MUCL1: variants seen among roughly 807,000 people sequenced by gnomAD.
MUCL1 encodes the protein mucin like 1.
Under a neutral mutation model 9.2 loss-of-function variants are expected in MUCL1, and 11 were observed. The observed-to-expected ratio is 1.19, with a 90% CI of 0.75 to 1.97. The LOEUF is 1.97. Among genes scored for constraint, MUCL1 ranks in the 30% most tolerant of loss-of-function variants. The probability of loss-of-function intolerance (pLI) is 0.00; values close to 1 mark genes in which losing one functional copy is unlikely to be tolerated. For synonymous variants in MUCL1, 48 were observed against 40.5 expected (o/e 1.19, Z -0.71); for missense variants, 144 against 110.9 (o/e 1.30, Z -1.34).
rs1437959341 is a variant in MUCL1, at chr12:54,858,386, C to T, written c.*144C>T. On this transcript the variant is annotated 3_prime_UTR_variant, in exon 4 of 4. Transcript: ENST00000308796. Reference sequence around the variant, plus strand: ...TCAAATAAAAAATAACTATGAGCAACATAAAAATGGTATTTCTTATGGGCT... The same window carrying T: ...TCAAATAAAAAATAACTATGAGCAATATAAAAATGGTATTTCTTATGGGCT... 9.4e-7 allele frequency: 1 copy of T among 1,060,826 alleles called. No individual in the cohort carries two copies. The highest frequency in any genetic ancestry group is 2.5e-5 in the East Asian group (1 of 40,284). 65.7% of individuals were successfully genotyped at this position (1,060,826 alleles called of 1,614,324 possible). A position where few individuals can be genotyped will look rare whatever the true frequency, so the allele number is the denominator to read the frequency against.
chr12:54,852,041 T>A (rs1387404386), upstream of MUCL1, among the ~76,000 whole-genome samples: 1 of 152,180 alleles, frequency 6.6e-6, no homozygotes, highest in Non-Finnish European at 1.5e-5. Context: ...TCCATGCTCA[T>A]GGGTTGGAAG....
At chr12:54,852,350 C>T (rs1469194496), upstream of MUCL1, among the ~76,000 whole-genome samples, 3 of 152,148 alleles carry the variant, frequency 2.0e-5, no homozygotes, top group Admixed American at 6.5e-5. Flanking sequence ...AGAAATAATG[C>T]CACACATCTA....
chr12:54,844,941 G>A (rs1220134994), intron 1 of MUCL1, among the ~76,000 whole-genome samples: 1 of 152,212 alleles, frequency 6.6e-6, no homozygotes, highest in Non-Finnish European at 1.5e-5. Flanking sequence ...TGTGGGTGAA[G>A]AAGCTGGGTA....
At chr12:54,858,103 A>G (rs1020325031) in intron 3 of MUCL1, 90 bp from the exon 4 acceptor site, 4 of 1,471,950 alleles carry the variant, frequency 2.7e-6, no homozygotes, top group Non-Finnish European at 3.8e-6. Flanking sequence ...TTGACATTTG[A>G]CACTTGTTAG....
chr12:54,847,017 TC>T (rs1282335229), intron 1 of MUCL1, among the ~76,000 whole-genome samples: 2 of 152,204 alleles, frequency 1.3e-5, no homozygotes, highest in Admixed American at 1.3e-4. Context: ...GGTTCTGCCT[TC>T]CAAGATGTCA....
chr12:54,838,669 G>C (rs554017915), upstream of MUCL1, among the ~76,000 whole-genome samples: 65 of 151,812 alleles, frequency 4.3e-4, no homozygotes, highest in African/African-American at 1.0e-3. Flanking sequence ...AATTCAAAAG[G>C]CTTGTCTTTG....
At chr12:54,847,399 T>C (rs186957006) in intron 1 of MUCL1, among the ~76,000 whole-genome samples, 193 of 152,300 alleles carry the variant, frequency 1.3e-3, no homozygotes, top group African/African-American at 4.5e-3. Flanking sequence ...GTGGATCGTC[T>C]GAGGTCAGGA....
chr12:54,844,749 A>G (rs1959234096), intron 1 of MUCL1, among the ~76,000 whole-genome samples: 1 of 152,168 alleles, frequency 6.6e-6, no homozygotes, highest in African/African-American at 2.4e-5. Flanking sequence ...TTCTCCACAT[A>G]TCTTTTACAT....
chr12:54,855,191 C>A (rs372546250), intron 2 of MUCL1, 34 bp downstream of exon 2: 21 of 1,601,772 alleles, frequency 1.3e-5, no homozygotes, highest in Non-Finnish European at 1.6e-5. Context: ...CTCTTTCCAG[C>A]AATAACCATT....
intron 1 of MUCL1, among the ~76,000 whole-genome samples, chr12:54,841,994 A>G (rs1959214729): frequency 6.6e-6 from 1 of 152,124 alleles, no homozygotes; most frequent in Non-Finnish European, 1.5e-5. Context: ...TTTCTTCAAG[A>G]TTATCTTGAC....
Position 54,854,536 on chromosome 12 carries a change from GC to G in MUCL1, c.-46del. 6.5e-7 allele frequency: 1 copy of G among 1,539,976 alleles called. No homozygotes were observed. The highest frequency in any genetic ancestry group is 1.4e-5 in the African/African-American group (1 of 73,088). ...AAGTCAGCGCCTTGCCTTCTCTTAG[GC>G]TTTGAAGCATTTTTGTCTGTGCTCC... On this transcript the variant is annotated 5_prime_UTR_variant, in exon 1 of 4. Coordinates refer to ENST00000308796, the MANE Select transcript of MUCL1 (RefSeq NM_058173.3).
chr12:54,858,301 T>C lies in MUCL1; in HGVS notation c.*59T>C. 6.3e-7 allele frequency: 1 copy of C among 1,598,144 alleles called. No individual in the cohort carries two copies. The highest frequency in any genetic ancestry group is 2.2e-5 in the East Asian group (1 of 44,772). The stretch of plus-strand genomic sequence containing the variant: ...ACAACTATTCATGCTTCCTGTGATT[T>C]CATCCAACTACTTACCTTGCCTACG... On this transcript the variant is annotated 3_prime_UTR_variant, in exon 4 of 4. Coordinates refer to ENST00000308796, the MANE Select transcript of MUCL1 (RefSeq NM_058173.3).
At chr12:54,857,799 A>C (rs1330890687) in intron 3 of MUCL1, among the ~76,000 whole-genome samples, 1 of 152,166 alleles carries the variant, frequency 6.6e-6, no homozygotes, top group Non-Finnish European at 1.5e-5. Context: ...TTTTCTTCAG[A>C]TATTGCTTTA....
chr12:54,846,834 T>A (rs78548210), intron 1 of MUCL1, among the ~76,000 whole-genome samples: 6 of 147,980 alleles, frequency 4.1e-5, no homozygotes, highest in Non-Finnish European at 7.5e-5. Context: ...GGGTAACTTG[T>A]ACTTTCAGCT....
rs1244203479 is a variant in MUCL1 at position 54,858,188 on chromosome 12, T to C, written c.224-5T>C. 1 of 1,613,444 alleles carries C rather than the reference T, an allele frequency of 6.2e-7. No individual in the cohort carries two copies. ...GCCCCTTGACAATATTTTTTTCTCTTGCAGTTTTACCCAAATGGGTTGGGG... is the reference window on the plus strand; with the variant it reads ...GCCCCTTGACAATATTTTTTTCTCTCGCAGTTTTACCCAAATGGGTTGGGG... On this transcript the variant is annotated splice_polypyrimidine_tract_variant and splice_region_variant and intron_variant, in intron 3 of 3. Coordinates refer to ENST00000308796, the MANE Select transcript of MUCL1 (RefSeq NM_058173.3).
upstream of MUCL1, among the ~76,000 whole-genome samples, chr12:54,837,315 C>A (rs888759360): frequency 6.6e-6 from 1 of 152,020 alleles, no homozygotes; most frequent in Non-Finnish European, 1.5e-5. Context: ...TGGATTGATC[C>A]TTTTCCCATT....
intron 1 of MUCL1, among the ~76,000 whole-genome samples, chr12:54,843,035 C>T (rs536375899): frequency 6.6e-6 from 1 of 152,182 alleles, no homozygotes; most frequent in East Asian, 1.9e-4. Context: ...GGTTTGCAGC[C>T]TAGGAGCAAT....
intron 1 of MUCL1, among the ~76,000 whole-genome samples, chr12:54,847,063 G>A (rs887231257): frequency 2.6e-5 from 4 of 152,080 alleles, no homozygotes; most frequent in Non-Finnish European, 4.4e-5. Flanking sequence ...ATAGACCTAC[G>A]CTCCCTCCTC....
chr12:54,849,126 A>C (rs890409882), intron 1 of MUCL1, among the ~76,000 whole-genome samples: 10 of 152,176 alleles, frequency 6.6e-5, no homozygotes, highest in Admixed American at 6.5e-4. Flanking sequence ...AAAAGAAGAA[A>C]GAATGGTTTA....
Sources: allele counts gnomAD v4.1 joint callset (sites outside exome capture counted in the v4.1 genomes callset), GRCh38; gene constraint gnomAD v4.1.1; transcripts MANE v1.5; gene names NCBI Gene and HGNC (gene_info 2026-07-23, HGNC 2026-07-21).